The following GNG4 variants were observed in gnomAD, a reference collection of about 807,000 sequenced individuals.
GNG4 encodes G protein subunit gamma 4.
In GNG4, 4 loss-of-function variants were observed where a neutral mutation model predicts 5.8. That is an observed-to-expected ratio of 0.69 (90% CI 0.34 to 1.57). The LOEUF (loss-of-function observed/expected upper bound fraction) is 1.57, where lower values mean the gene tolerates loss of function less well. Among genes scored for constraint, GNG4 ranks in the 40% most tolerant of loss-of-function variants. GNG4 has a pLI of 0.06. For missense variants in GNG4, 96 were observed against 95.1 expected (o/e 1.01, Z -0.04); for synonymous variants, 29 against 32.9 (o/e 0.88, Z 0.41).
chr1:235,616,113 A>G lies in GNG4; in HGVS notation c.-122-20602T>C, dbSNP rs147480473. On this transcript the variant is annotated intron_variant, in intron 1 of 3. Transcript: ENST00000391854. ...CTGCTTAGCGCTAGGAGGACCATTC[A>G]GCACTGTCTTCTTCAACCCCCTTCC... 1.8e-3 allele frequency: 845 copies of G among 459,560 alleles called. 17 individuals are homozygous for G. In the East Asian group the frequency reaches 0.028, roughly 15 times the overall value. The allele number at this position is 459,560 out of a possible 1,614,324, so 28.5% of individuals were successfully genotyped here.
chr1:235,576,867 A>G (rs1687496044), intron 3 of GNG4, among the ~76,000 whole-genome samples: 1 of 152,194 alleles, frequency 6.6e-6, no homozygotes. Flanking sequence ...ACTGAAGTCT[A>G]TATTTGCACT....
intron 1 of GNG4, among the ~76,000 whole-genome samples, chr1:235,623,869 G>C (rs1375623948): frequency 1.3e-5 from 2 of 152,172 alleles, no homozygotes; most frequent in African/African-American, 2.4e-5. Flanking sequence ...AAAAAGCTGA[G>C]GGAAGAATGA....
At chr1:235,564,053 T>C (rs1687132802) in intron 3 of GNG4, among the ~76,000 whole-genome samples, 1 of 152,224 alleles carries the variant, frequency 6.6e-6, no homozygotes, top group Admixed American at 6.5e-5. Flanking sequence ...TAAGAAAATG[T>C]AGTATATATA....
rs1378690137 is a variant in GNG4 at position 235,549,745 on chromosome 1, A to T, written c.*2364T>A. ...CAAAGATGTCCTAAATCCATTTACG[A>T]GGGCAGCAAGTCATTAATTGGTCTG... On this transcript the variant is annotated 3_prime_UTR_variant, in exon 4 of 4. Coordinates refer to ENST00000391854, the MANE Select transcript of GNG4 (RefSeq NM_001098722.2). 1 of 152,236 alleles carries T rather than the reference A, an allele frequency of 6.6e-6. No homozygotes were observed. Among genetic ancestry groups the T allele is most frequent in the Non-Finnish European group, 1.5e-5 (1 of 68,036 alleles). 9.4% of individuals were successfully genotyped at this position (152,236 alleles called of 1,614,324 possible).
intron 1 of GNG4, among the ~76,000 whole-genome samples, chr1:235,607,801 G>A (rs1443789513): frequency 5.3e-5 from 8 of 152,144 alleles, no homozygotes; most frequent in Admixed American, 4.6e-4. Context: ...CTCTCTCCGG[G>A]AGGGTGTCTC....
At chr1:235,598,732 A>AT (rs34577116) in intron 1 of GNG4, among the ~76,000 whole-genome samples, 80,243 of 146,470 alleles carry the variant, frequency 0.55, 22,189 homozygotes, top group Middle Eastern at 0.68. Flanking sequence ...TTCCCAGGTG[A>AT]TTTTTTTTTT....
chr1:235,582,751 G>A (rs1223772704), intron 3 of GNG4, among the ~76,000 whole-genome samples: 1 of 152,196 alleles, frequency 6.6e-6, no homozygotes, highest in Non-Finnish European at 1.5e-5. Context: ...AGTAACATGG[G>A]TCCGGTGATA....
At chr1:235,606,799 A>T (rs1453516680) in intron 1 of GNG4, among the ~76,000 whole-genome samples, 1 of 151,594 alleles carries the variant, frequency 6.6e-6, no homozygotes. Flanking sequence ...GGCCAGGGGG[A>T]GCATGGGTCA....
intron 3 of GNG4, among the ~76,000 whole-genome samples, chr1:235,576,952 G>A (rs78391296): frequency 0.078 from 11,822 of 152,164 alleles, 549 homozygotes; most frequent in African/African-American, 0.11. Flanking sequence ...TTTCCTCCAT[G>A]AATCGTGCAA....
chr1:235,569,722 T>C (rs1293684845), intron 3 of GNG4, among the ~76,000 whole-genome samples: 1 of 151,674 alleles, frequency 6.6e-6, no homozygotes. Context: ...CGCCCACCAC[T>C]ACGCCCAGCT....
At chr1:235,576,658 A>AATGCTTTGAT (rs2102934655) in intron 3 of GNG4, among the ~76,000 whole-genome samples, 1 of 152,246 alleles carries the variant, frequency 6.6e-6, no homozygotes, top group Admixed American at 6.5e-5. Context: ...TTTGTTGGGA[A>AATGCTTTGAT]ATGCTTTGAT....
Position 235,644,952 on chromosome 1 carries a change from A to C in GNG4, c.-123+4710T>G, listed in dbSNP as rs1204870113. On this transcript the variant is annotated intron_variant, in intron 1 of 3. Transcript: ENST00000391854. The surrounding 1 kb of genome is among the most constrained non-coding windows in gnomAD (Gnocchi z 5.9). ...GATGAGGAAGGGGAGATGCAGCAGC[A>C]GACACTCCGTCCACATGGGCCCCGG... Among the ~76,000 whole-genome samples the C allele has an allele frequency of 6.6e-6, 1 of 152,154 alleles. No individual in the cohort carries two copies. Among genetic ancestry groups the C allele is most frequent in the Non-Finnish European group, 1.5e-5 (1 of 68,002 alleles).
At chr1:235,569,837 A>AG (rs1165910799) in intron 3 of GNG4, among the ~76,000 whole-genome samples, 3 of 152,090 alleles carry the variant, frequency 2.0e-5, no homozygotes, top group Non-Finnish European at 4.4e-5. Context: ...AAGTGCTGGG[A>AG]TAACAGGTGC....
Position 235,635,912 on chromosome 1 carries a change from C to A in GNG4, c.-123+13750G>T, listed in dbSNP as rs183139694. On this transcript the variant is annotated intron_variant, in intron 1 of 3. Transcript: ENST00000391854. ...GGTTGTGCACCTGTATTCAGAGACC[C>A]CTTGCAGTGGCTCTGAAGGCCCACC... 2.1e-4 allele frequency among the ~76,000 whole-genome samples: 32 copies of A among 152,318 alleles called. 1 individual carries two copies. Among genetic ancestry groups the A allele is most frequent in the African/African-American group, 7.5e-4 (31 of 41,574 alleles).
At chr1:235,601,997 C>T (rs1558493150) in intron 1 of GNG4, among the ~76,000 whole-genome samples, 2 of 152,176 alleles carry the variant, frequency 1.3e-5, no homozygotes, top group Non-Finnish European at 2.9e-5. Flanking sequence ...TGGGGCCAGG[C>T]ACAGTGGCTC....
rs373834628 is a variant in GNG4 at position 235,642,791 on chromosome 1, G to C, written c.-123+6871C>G. ...ACCTCGGATCACCCCAGGCAATCTC[G>C]CCCCTGTGGCTTCACCTGGGTCCAG... On this transcript the variant is annotated intron_variant, in intron 1 of 3. Transcript: ENST00000391854. The surrounding 1 kb of genome is among the most constrained non-coding windows in gnomAD (Gnocchi z 4.3). Among the ~76,000 whole-genome samples, 1 of 152,230 alleles carries C rather than the reference G, an allele frequency of 6.6e-6. No homozygotes were observed. Among genetic ancestry groups the C allele is most frequent in the East Asian group, 1.9e-4 (1 of 5,170 alleles).
intron 2 of GNG4, among the ~76,000 whole-genome samples, chr1:235,588,370 G>T (rs1192869451): frequency 1.3e-5 from 2 of 151,930 alleles, no homozygotes; most frequent in Non-Finnish European, 2.9e-5. Context: ...CCCCCAGCGG[G>T]GGCTGTGCTC....
intron 1 of GNG4, among the ~76,000 whole-genome samples, chr1:235,609,539 TA>T (rs898814547): frequency 1.4e-4 from 21 of 151,420 alleles, no homozygotes; most frequent in African/African-American, 4.4e-4. Context: ...TCATTTACTT[TA>T]AAAAAAAAGT....
chr1:235,555,951 T>A (rs903834694), intron 3 of GNG4, among the ~76,000 whole-genome samples: 1 of 152,032 alleles, frequency 6.6e-6, no homozygotes, highest in African/African-American at 2.4e-5. Context: ...CACTGTAACC[T>A]CTGCCTCCTG....
Sources: gnomAD v4.1 joint callset for allele counts (sites outside exome capture counted in the v4.1 genomes callset) on GRCh38, gnomAD v4.1.1 for gene constraint, Gnocchi (gnomAD v3.1) non-coding constraint, MANE v1.5 for transcripts, NCBI Gene and HGNC (gene_info 2026-07-23, HGNC 2026-07-21) for gene names.